YTHDF3: variants seen among roughly 807,000 people sequenced by gnomAD.
YTHDF3 encodes YTH domain-containing family protein 3.
YTHDF3 carries 9 observed loss-of-function variants against 52.5 expected under a neutral mutation model. That is an observed-to-expected ratio of 0.17 (90% CI 0.10 to 0.30). The LOEUF (loss-of-function observed/expected upper bound fraction) is 0.30. Ranked by LOEUF, YTHDF3 falls within the 10% of genes least tolerant of loss-of-function variation. The probability of loss-of-function intolerance (pLI) is 1.00; values close to 1 mark genes in which losing one functional copy is unlikely to be tolerated. For missense variants in YTHDF3, 534 were observed against 715.0 expected, an observed-to-expected ratio of 0.75 and a Z score of 2.89; for synonymous variants, 274 against 243.3, an observed-to-expected ratio of 1.13 and a Z score of -1.18.
chr8:63,196,493 C>T (rs1809248633), intron 4 of YTHDF3, among the ~76,000 whole-genome samples: 1 of 149,710 alleles, frequency 6.7e-6, no homozygotes, highest in South Asian at 2.1e-4. Context: ...AACCAGGAGG[C>T]GGAAGTTGCA....
intron 4 of YTHDF3, among the ~76,000 whole-genome samples, chr8:63,207,192 T>C (rs563556268): frequency 5.3e-5 from 8 of 152,316 alleles, no homozygotes; most frequent in Admixed American, 2.0e-4. Flanking sequence ...TTGTGACCAT[T>C]GTGTCTCCAA....
chr8:63,173,806 A>T (rs1807504243), intron 2 of YTHDF3: 1 of 344,704 alleles, frequency 2.9e-6, no homozygotes, highest in East Asian at 1.7e-4. Context: ...CATGGAGCAT[A>T]TTTAGCTCAA....
At chr8:63,179,956 G>A (rs1336803883) in intron 3 of YTHDF3, among the ~76,000 whole-genome samples, 123 of 151,130 alleles carry the variant, frequency 8.1e-4, no homozygotes, top group Non-Finnish European at 1.8e-4. Context: ...CGGACGGGGC[G>A]GCTGGCCGGG....
At chr8:63,177,462 G>A (rs1807773010) in intron 3 of YTHDF3, among the ~76,000 whole-genome samples, 2 of 152,160 alleles carry the variant, frequency 1.3e-5, no homozygotes, top group South Asian at 4.1e-4. Context: ...GAAATGTAGT[G>A]CAAGTTTTAA....
intron 4 of YTHDF3, among the ~76,000 whole-genome samples, chr8:63,190,905 A>G (rs1383412826): frequency 6.6e-6 from 1 of 152,082 alleles, no homozygotes; most frequent in Non-Finnish European, 1.5e-5. Flanking sequence ...TTAATGCCTA[A>G]CCCACCTTTG....
At chr8:63,173,638 AC>A in intron 2 of YTHDF3, 5 of 985,260 alleles carry the variant, frequency 5.1e-6, no homozygotes, top group Non-Finnish European at 6.0e-6. Flanking sequence ...ATGCATACTT[AC>A]CTTTGATTTA....
Position 63,169,018 on chromosome 8 carries a change from G to C in YTHDF3, c.24+117G>C, listed in dbSNP as rs371182735. ...TGCCGGCCCCATAACGGTGCCCCGG[G>C]CGCAAGTTGCTGCGGTGTAGCTACC... is the stretch of plus-strand genomic sequence containing the variant. On this transcript the variant is annotated intron_variant, in intron 1 of 4. Transcript: ENST00000539294. 4 of 1,470,434 alleles carry C rather than the reference G, an allele frequency of 2.7e-6. No homozygotes were observed. The African/African-American group carries it at 6.0e-5, about 22-fold the overall frequency. 91.1% of individuals were successfully genotyped at this position (1,470,434 alleles called of 1,614,324 possible).
intron 2 of YTHDF3, among the ~76,000 whole-genome samples, chr8:63,169,951 G>C (rs1364844183): frequency 6.6e-6 from 1 of 152,180 alleles, no homozygotes; most frequent in Non-Finnish European, 1.5e-5. Context: ...TGCAAGGTGT[G>C]ACTCTATCTG....
At chr8:63,193,377 A>G (rs1215279296) in intron 4 of YTHDF3, among the ~76,000 whole-genome samples, 2 of 142,090 alleles carry the variant, frequency 1.4e-5, no homozygotes, top group East Asian at 3.9e-4. Context: ...CTCCGTCCAA[A>G]AAAAAAAAAA....
chr8:63,208,081 AATGT>A (rs1353497679), intron 4 of YTHDF3, among the ~76,000 whole-genome samples: 1 of 152,006 alleles, frequency 6.6e-6, no homozygotes, highest in African/African-American at 2.4e-5. Context: ...ACTCTCTTGA[AATGT>A]ACTTAATCTA....
At chr8:63,203,360 T>C (rs1170798063) in intron 4 of YTHDF3, among the ~76,000 whole-genome samples, 1 of 152,188 alleles carries the variant, frequency 6.6e-6, no homozygotes, top group Non-Finnish European at 1.5e-5. Context: ...ATTAAAATAG[T>C]AATACCTTAT....
In YTHDF3 at chr8:63,204,446, C is replaced by T. The variant is rs1018184978; in HGVS notation, c.1735-5237C>T. On this transcript the variant is annotated intron_variant, in intron 4 of 4. Transcript: ENST00000539294. The stretch of plus-strand genomic sequence containing the variant: ...GCGTGATCTCGGGTCACCGCACCCT[C>T]CACCTCATGGGTTCAAGCGATTTTC... Among the ~76,000 whole-genome samples, 11 of 151,422 alleles carry T rather than the reference C, an allele frequency of 7.3e-5. 1 individual carries two copies. Among genetic ancestry groups the T allele is most frequent in the African/African-American group, 2.7e-4 (11 of 41,162 alleles).
chr8:63,186,694 T>C lies in YTHDF3; in HGVS notation c.683T>C (p.Val228Ala). 1 of 1,613,948 alleles carries C rather than the reference T, an allele frequency of 6.2e-7. No homozygotes were observed. Residue 228 changes from valine to alanine, a missense_variant, in exon 4 of 5, where the codon GTT (valine) becomes GCT (alanine). Transcript: ENST00000539294. ...TSIATNSVPP[V>A]SSAAPKPTSW... Reference sequence around the variant, plus strand: ...ATTGCAACCAATAGTGTGCCCCCAGTTAGCAGTGCAGCACCTAAACCAACC... The same window carrying C: ...ATTGCAACCAATAGTGTGCCCCCAGCTAGCAGTGCAGCACCTAAACCAACC...
intron 3 of YTHDF3, among the ~76,000 whole-genome samples, chr8:63,178,329 G>A (rs897481885): frequency 6.6e-6 from 1 of 151,930 alleles, no homozygotes; most frequent in African/African-American, 2.4e-5. Context: ...TGTGGTTTGC[G>A]TTTTATCTGT....
intron 3 of YTHDF3, among the ~76,000 whole-genome samples, chr8:63,185,217 T>C (rs368629559): frequency 6.6e-5 from 10 of 151,918 alleles, no homozygotes; most frequent in Middle Eastern, 3.4e-3. Flanking sequence ...TCAAAAGAAA[T>C]AAGTATTTAA....
chr8:63,190,590 G>T (rs538844829), intron 4 of YTHDF3, among the ~76,000 whole-genome samples: 1 of 152,216 alleles, frequency 6.6e-6, no homozygotes, highest in Admixed American at 6.5e-5. Context: ...AACAAGTGGA[G>T]GTATAAACAG....
intron 4 of YTHDF3, among the ~76,000 whole-genome samples, chr8:63,195,179 G>C (rs1809156116): frequency 6.6e-6 from 1 of 152,110 alleles, no homozygotes; most frequent in East Asian, 1.9e-4. Flanking sequence ...CAAATTGTCG[G>C]AGAAATCCAT....
chr8:63,205,481 T>C (rs1448299902), intron 4 of YTHDF3, among the ~76,000 whole-genome samples: 1 of 151,640 alleles, frequency 6.6e-6, no homozygotes, highest in African/African-American at 2.4e-5. Flanking sequence ...TTGCCCTGGC[T>C]GGAGTGCAGT....
Position 63,179,728 on chromosome 8 carries a change from G to T in YTHDF3, c.135+4312G>T, listed in dbSNP as rs190861475. On this transcript the variant is annotated intron_variant, in intron 3 of 4. Transcript: ENST00000539294. Reference sequence around the variant, plus strand: ...CATCATGGCCCGTTCTCAATGAGCCGCTGGGTACACCTCCCAGATGGGGTG... The same window carrying T: ...CATCATGGCCCGTTCTCAATGAGCCTCTGGGTACACCTCCCAGATGGGGTG... 8.0e-3 allele frequency among the ~76,000 whole-genome samples: 1,213 copies of T among 152,144 alleles called. 23 individuals are homozygous for T. The highest frequency in any genetic ancestry group is 0.028 in the African/African-American group (1,169 of 41,492).
Sources: allele counts gnomAD v4.1 joint callset (sites outside exome capture counted in the v4.1 genomes callset), GRCh38; gene constraint gnomAD v4.1.1; transcripts MANE v1.5; gene names NCBI Gene and HGNC (gene_info 2026-07-23, HGNC 2026-07-21).